The following BICDL2 variants were observed in gnomAD, a reference collection of about 807,000 sequenced individuals.
The protein encoded by BICDL2 is BICD family-like cargo adapter 2.
Under a neutral mutation model 56.6 loss-of-function variants are expected in BICDL2, and 62 were observed. That is an observed-to-expected ratio of 1.10 (90% CI 0.89 to 1.35). The LOEUF (loss-of-function observed/expected upper bound fraction) is 1.35, where lower values mean the gene tolerates loss of function less well. Ranked by LOEUF, BICDL2 falls within the 40% of genes most tolerant of loss-of-function variation. The pLI is 0.00. For synonymous variants in BICDL2, 358 were observed against 319.8 expected (o/e 1.12, Z -1.27); for missense variants, 808 against 684.5 (o/e 1.18, Z -2.01).
chr16:3,035,660 G>A lies in BICDL2; in HGVS notation c.-30-134C>T, dbSNP rs1031811778. 5 of 765,674 alleles carry A rather than the reference G, an allele frequency of 6.5e-6. No individual in the cohort carries two copies. In the African/African-American group the frequency reaches 8.8e-5, roughly 13 times the overall value. The allele number at this position is 765,674 out of a possible 1,614,324, so 47.4% of individuals were successfully genotyped here. On this transcript the variant is annotated intron_variant, in intron 1 of 9. Transcript: ENST00000572449. ...GCTTCCTGGGCCACAAAGGGTTAAT[G>A]ACCTGTGTTTTGGCTACCCAGTTCC... is the stretch of plus-strand genomic sequence containing the variant.
Position 3,031,150 on chromosome 16 carries a change from G to A in BICDL2, c.283C>T (p.Arg95Trp), listed in dbSNP as rs573551008. Reference sequence around the variant, plus strand: ...AGCTCATGGTTCTCCTGCTGGAGCCGCTGTGGGGGCCAGGGCAGAGGGACA... The same window carrying A: ...AGCTCATGGTTCTCCTGCTGGAGCCACTGTGGGGGCCAGGGCAGAGGGACA... ...LSAQHLEREERLQQENHELRR... is the reference protein window; with the variant it reads ...LSAQHLEREEWLQQENHELRR... Residue 95 changes from arginine to tryptophan, a missense_variant and splice_region_variant, in exon 3 of 10, where the codon CGG (arginine) becomes TGG (tryptophan). Transcript: ENST00000572449. 5.1e-5 allele frequency: 78 copies of A among 1,534,784 alleles called. No homozygotes were observed. The African/African-American group carries it at 5.5e-4, about 11-fold the overall frequency.
At chr16:3,035,945 A>C in intron 1 of BICDL2, 1 of 299,718 alleles carries the variant, frequency 3.3e-6, no homozygotes, top group Non-Finnish European at 6.5e-6. Flanking sequence ...TCTCTCAGGA[A>C]TGCAGGACCC....
At chr16:3,032,727 T>TG (rs1490145223) in intron 2 of BICDL2, 2 of 152,156 alleles carry the variant, frequency 1.3e-5, no homozygotes, top group African/African-American at 4.8e-5. Context: ...AGTGCAAAGT[T>TG]CCTGAGGGAA....
intron 1 of BICDL2, chr16:3,036,369 G>A (rs866113959): frequency 2.2e-6 from 1 of 448,328 alleles, no homozygotes; most frequent in Middle Eastern, 3.3e-4. Context: ...CCCCTAGGGC[G>A]GCTCAGGGGC....
rs747027191 is a variant in BICDL2 at position 3,029,584 on chromosome 16, G to A, written c.918C>T (p.Gly306=). ...GTGCGTCGGCGCCCTGGCCCTGGTC[G>A]CCGTCGTCGAGGCTGTGGGCCAGTT... ...QSELAHSLDD[G]DQGQGADAPG... is the part of the protein sequence containing the mutation. Residue 306 remains glycine, a synonymous_variant, in exon 6 of 10, where the codon GGC becomes GGT. Transcript: ENST00000572449. 8.4e-6 allele frequency: 13 copies of A among 1,544,116 alleles called. No individual in the cohort carries two copies. The Admixed American group carries it at 2.3e-4, about 28-fold the overall frequency.
Position 3,028,178 on chromosome 16 carries a change from C to T in BICDL2, c.1455G>A (p.Ala485=). ...SASSSTPRRA[A]PRFSLRLGPG... is the part of the protein sequence containing the mutation. ...GGCCCAGGCGCAGCGAGAAGCGGGG[C>T]GCGGCACGGCGCGGGGTCGACGACG... Residue 485 remains alanine (A), a synonymous_variant, in exon 10 of 10, where the codon GCG becomes GCA. Transcript: ENST00000572449. The T allele has an allele frequency of 6.9e-7, 1 of 1,450,984 alleles. No homozygotes were observed. The highest frequency in any genetic ancestry group is 9.0e-7 in the Non-Finnish European group (1 of 1,111,554). The allele number at this position is 1,450,984 out of a possible 1,614,324, so 89.9% of individuals were successfully genotyped here.
intron 1 of BICDL2, chr16:3,036,646 G>C (rs1596486272): frequency 2.2e-6 from 1 of 451,106 alleles, no homozygotes; most frequent in African/African-American, 2.0e-5. Context: ...GGGACCTGGA[G>C]ACCGCTCCCC....
At chr16:3,035,547 C>A in intron 1 of BICDL2, 21 bp from the exon 2 acceptor site, 1 of 1,548,896 alleles carries the variant, frequency 6.5e-7, no homozygotes, top group Non-Finnish European at 8.7e-7. Context: ...CTCTACTCTG[C>A]AGCCTGACAG....
At position 3,030,467 on chromosome 16, in the gene BICDL2, C is replaced by T. The variant is rs1567421292; in HGVS notation, c.744G>A (p.Arg248=). The change falls in exon 5 of 10, where the codon CGG becomes CGA. Residue 248 remains arginine (R), a synonymous_variant. Transcript: ENST00000572449. ...AGGTCACCTCCAGGCTGTGCTCCCG[C>T]CGCTCCCGCCTCAGCAGCAGCAACT... ...HEELLLLRRE[R]REHSLELERA... 3 of 1,602,240 alleles carry T rather than the reference C, an allele frequency of 1.9e-6. No individual in the cohort carries two copies. Among genetic ancestry groups the T allele is most frequent in the Admixed American group, 1.7e-5 (1 of 59,850 alleles).
intron 1 of BICDL2, chr16:3,036,206 G>A: frequency 2.2e-6 from 1 of 447,306 alleles, no homozygotes; most frequent in Non-Finnish European, 4.5e-6. Flanking sequence ...CCGGACTCAG[G>A]AGCCCTGACC....
intron 3 of BICDL2, 38 bp from the exon 4 acceptor site, chr16:3,030,850 C>T: frequency 6.4e-7 from 1 of 1,573,504 alleles, no homozygotes; most frequent in Non-Finnish European, 8.6e-7. Flanking sequence ...AGCCTCAGCA[C>T]CAAGCCCAAT....
chr16:3,034,265 G>A (rs936638994), intron 2 of BICDL2, among the ~76,000 whole-genome samples: 2 of 152,256 alleles, frequency 1.3e-5, no homozygotes, highest in East Asian at 1.9e-4. Flanking sequence ...ACAGCTGGAC[G>A]AGGGTCTGAA....
chr16:3,030,494 C>T lies in BICDL2; in HGVS notation c.717G>A (p.Glu239=), dbSNP rs780377785. The T allele has an allele frequency of 6.2e-7, 1 of 1,604,402 alleles. No homozygotes were observed. Among genetic ancestry groups the T allele is most frequent in the South Asian group, 1.1e-5 (1 of 90,838 alleles). The part of the protein sequence containing the change: ...KGEGRLQTTH[E]ELLLLRRERR... ...GCTCCCGCCTCAGCAGCAGCAACTC[C>T]TCGTGGGTGGTCTGCAGTCTGCCCT... The change falls in exon 5 of 10, where the codon GAG becomes GAA. Residue 239 remains glutamate, a synonymous_variant. Coordinates refer to ENST00000572449, the MANE Select transcript of BICDL2 (RefSeq NM_001369667.1).
rs1035153431 is a variant in BICDL2 at position 3,035,259 on chromosome 16, G to C, written c.238C>G (p.Arg80Gly). 6.5e-7 allele frequency: 1 copy of C among 1,539,060 alleles called. No homozygotes were observed. The highest frequency in any genetic ancestry group is 8.8e-7 in the Non-Finnish European group (1 of 1,141,220). ...MLLERNEELR[R>G]QLETLSAQHL... ...TGGGCGCTCAGCGTCTCCAGCTGCC[G>C]CCGCAGCTCTTCATTTCGCTCCAGA... The change falls in exon 2 of 10, where the codon CGG becomes GGG. Residue 80 changes from arginine to glycine, a missense_variant. Coordinates refer to ENST00000572449, the MANE Select transcript of BICDL2 (RefSeq NM_001369667.1).
At chr16:3,031,897 A>C (rs550199571) in intron 2 of BICDL2, 1 of 209,236 alleles carries the variant, frequency 4.8e-6, no homozygotes, top group African/African-American at 2.3e-5. Flanking sequence ...GCCTTGCCTA[A>C]GGACACACAG....
intron 7 of BICDL2, among the ~76,000 whole-genome samples, 172 bp from the exon 8 acceptor site, chr16:3,029,002 T>A (rs1053546057): frequency 4.6e-5 from 7 of 152,076 alleles, no homozygotes; most frequent in Admixed American, 4.6e-4. Context: ...CCCCTCAGGC[T>A]GGTGCGGGGT....
intron 1 of BICDL2, 159 bp downstream of exon 1, chr16:3,036,735 C>T (rs1485729819): frequency 2.4e-6 from 1 of 422,708 alleles, no homozygotes; most frequent in East Asian, 8.2e-5. Context: ...CGGCTGGGCT[C>T]ACCCCCGACG....
chr16:3,029,761 G>C, intron 5 of BICDL2, 22 bp from the exon 6 acceptor site: 3 of 1,455,728 alleles, frequency 2.1e-6, no homozygotes, highest in Non-Finnish European at 2.7e-6. Context: ...CCCGCAGACG[G>C]AAGCGCGGGC....
At position 3,029,440 on chromosome 16, in the gene BICDL2, A is replaced by G; in HGVS notation, c.958-11T>C. On this transcript the variant is annotated splice_polypyrimidine_tract_variant and intron_variant, in intron 6 of 9. Coordinates refer to ENST00000572449, the MANE Select transcript of BICDL2 (RefSeq NM_001369667.1). ...TGGGGACCGGGTGGTCTGTGGGCCA[A>G]AGAAATGGGTTAGTGGTGTGGAGTT... 6.2e-7 allele frequency: 1 copy of G among 1,600,268 alleles called. No individual in the cohort carries two copies. The highest frequency in any genetic ancestry group is 8.5e-7 in the Non-Finnish European group (1 of 1,177,058).
Sources: allele counts gnomAD v4.1 joint callset (sites outside exome capture counted in the v4.1 genomes callset), GRCh38; gene constraint gnomAD v4.1.1; transcripts MANE v1.5; gene names NCBI Gene and HGNC (gene_info 2026-07-23, HGNC 2026-07-21).